Variants in FUS observed in about 807,000 individuals in gnomAD.
FUS encodes the protein FUS RNA binding protein, also known as RNA-binding protein FUS.
Under a neutral mutation model 82.7 loss-of-function variants are expected in FUS, and 5 were observed. The ratio of observed to expected loss-of-function variants is 0.06; its 90% CI spans 0.03 to 0.13. The LOEUF (loss-of-function observed/expected upper bound fraction) is 0.13. FUS is among the 10% of genes least tolerant of loss of function. The pLI, the probability that FUS is intolerant of heterozygous loss-of-function variation, is 1.00. For missense variants in FUS, 512 were observed against 707.8 expected, an observed-to-expected ratio of 0.72 and a Z score of 3.14; for synonymous variants, 281 against 247.4, an observed-to-expected ratio of 1.14 and a Z score of -1.27.
chr16:31,181,196 T>C (rs1020044040), intron 1 of FUS, among the ~76,000 whole-genome samples: 4 of 152,314 alleles, frequency 2.6e-5, no homozygotes, highest in Non-Finnish European at 4.4e-5. Flanking sequence ...ATTACAGACG[T>C]AAGCCAACCA....
downstream of FUS, chr16:31,193,806 TTTTTTTTAATTAC>T (rs2079390551): frequency 1.9e-6 from 1 of 513,348 alleles, no homozygotes. Context: ...CTGGGTAATT[TTTTTTTTAATTAC>T]TTTTTTTTTT....
intron 8 of FUS, 81 bp from the exon 9 acceptor site, chr16:31,189,042 T>C: frequency 9.7e-7 from 1 of 1,026,856 alleles, no homozygotes; most frequent in Non-Finnish European, 1.5e-6. Flanking sequence ...AGTTGCTTGA[T>C]GGATACTAGG....
rs768621541 is a variant in FUS, at chr16:31,185,186, GTC to G, written c.764+10_764+11del. The G allele has an allele frequency of 3.1e-6, 5 of 1,605,114 alleles. No individual in the cohort carries two copies. Among genetic ancestry groups the G allele is most frequent in the Non-Finnish European group, 4.3e-6 (5 of 1,175,286 alleles). On this transcript the variant is annotated splice_region_variant and intron_variant, in intron 6 of 14. Coordinates refer to ENST00000254108, the MANE Select transcript of FUS (RefSeq NM_004960.4). ...GAGGCAGAGGTGGCATGGGGTAGGTGTCTCATGAGCCAGGGAGTATCTTTGGT... is the reference window on the plus strand; with the variant it reads ...GAGGCAGAGGTGGCATGGGGTAGGTGTCATGAGCCAGGGAGTATCTTTGGT...
downstream of FUS, chr16:31,192,244 CT>C (rs35061472): frequency 1.9e-6 from 1 of 526,200 alleles, no homozygotes; most frequent in Non-Finnish European, 3.7e-6. Context: ...GGCTTGATCC[CT>C]TTTTGATTGG....
chr16:31,180,361 A>G lies in FUS; in HGVS notation c.13+134A>G. ...GCGCCCCTGTGGCGGGAAGCCGCGG[A>G]GAAGAGTAACTGGAGGAGGCTGGTG... On this transcript the variant is annotated intron_variant, in intron 1 of 14. Coordinates refer to ENST00000254108, the MANE Select transcript of FUS (RefSeq NM_004960.4). 7 of 1,180,926 alleles carry G rather than the reference A, an allele frequency of 5.9e-6. 1 individual carries two copies. The South Asian group carries it at 9.1e-5, about 15-fold the overall frequency. The allele number at this position is 1,180,926 out of a possible 1,614,324, so 73.2% of individuals were successfully genotyped here.
chr16:31,190,901 C>T (rs768779559), intron 13 of FUS, 59 bp downstream of exon 13: 30 of 1,612,006 alleles, frequency 1.9e-5, no homozygotes, highest in African/African-American at 5.3e-5. Flanking sequence ...AATTTTTCAG[C>T]GGGGAGGCTC....
chr16:31,187,533 A>G (rs761446550), intron 7 of FUS: 5 of 228,980 alleles, frequency 2.2e-5, no homozygotes, highest in Non-Finnish European at 3.5e-5. Flanking sequence ...AAAATGACAA[A>G]TTTGAGAAGT....
At chr16:31,193,888 C>G, downstream of FUS, 1 of 528,132 alleles carries the variant, frequency 1.9e-6, no homozygotes, top group South Asian at 1.5e-5. Context: ...CTCAAGTGAC[C>G]TGCCTGCCTC....
intron 1 of FUS, among the ~76,000 whole-genome samples, chr16:31,180,919 T>A (rs1266009530): frequency 9.2e-5 from 7 of 75,850 alleles, no homozygotes; most frequent in Admixed American, 4.6e-4. Context: ...AATTTCTTTC[T>A]TTTTTTTTTT....
At chr16:31,190,534 T>TA in intron 12 of FUS, 136 bp downstream of exon 12, 1 of 1,388,414 alleles carries the variant, frequency 7.2e-7, no homozygotes, top group East Asian at 2.3e-5. Flanking sequence ...GCCAAAAGCT[T>TA]ACCTAGGTAA....
downstream of FUS, chr16:31,192,445 G>A: frequency 1.9e-6 from 1 of 522,010 alleles, no homozygotes; most frequent in South Asian, 1.5e-5. Context: ...TAACCCAAGA[G>A]CAGAAAGGTT....
intron 7 of FUS, 33 bp from the exon 8 acceptor site, chr16:31,188,292 T>G: frequency 6.2e-7 from 1 of 1,609,100 alleles, no homozygotes; most frequent in South Asian, 1.1e-5. Context: ...TGTTTTTGTT[T>G]TTTTTTTGTT....
Position 31,190,101 on chromosome 16 carries a change from T to C in FUS, c.1128T>C (p.Asn376=). The part of the protein sequence containing the change: ...VSFATRRADF[N]RGGGNGRGGR... ...TTGCTACTCGCCGGGCAGACTTTAA[T>C]CGGGGTGGTGGCAATGGTCGTGGAG... The change falls in exon 11 of 15, where the codon AAT becomes AAC. Residue 376 remains asparagine, a synonymous_variant. Coordinates refer to ENST00000254108, the MANE Select transcript of FUS (RefSeq NM_004960.4). 6.2e-7 allele frequency: 1 copy of C among 1,614,096 alleles called. No individual in the cohort carries two copies. The highest frequency in any genetic ancestry group is 8.5e-7 in the Non-Finnish European group (1 of 1,180,002).
intron 1 of FUS, among the ~76,000 whole-genome samples, chr16:31,181,555 A>G (rs952029333): frequency 1.3e-5 from 2 of 152,142 alleles, no homozygotes; most frequent in African/African-American, 4.8e-5. Context: ...GCTTTGCACT[A>G]AAAAGCCCAC....
At chr16:31,188,262 C>CT in intron 7 of FUS, 63 bp from the exon 8 acceptor site, 1 of 1,561,178 alleles carries the variant, frequency 6.4e-7, no homozygotes, top group East Asian at 2.2e-5. Context: ...TTCCTGTTGA[C>CT]TAACGGCTCA....
In FUS at chr16:31,187,126, CCAT is replaced by C. The variant is rs1197503826; in HGVS notation, c.799+297_799+299del. The C allele has an allele frequency of 4.5e-5, 23 of 515,980 alleles. 1 individual carries two copies. Among genetic ancestry groups the C allele is most frequent in the Non-Finnish European group, 8.1e-5 (23 of 284,252 alleles). The allele number at this position is 515,980 out of a possible 1,614,324, so 32.0% of individuals were successfully genotyped here. On this transcript the variant is annotated intron_variant, in intron 7 of 14. Coordinates refer to ENST00000254108, the MANE Select transcript of FUS (RefSeq NM_004960.4). ...CGTTGCCACACCTGGCACTTAGTGA[CCAT>C]CATCATGAGAAACTGGAGAGTGCGT...
intron 9 of FUS, 46 bp downstream of exon 9, chr16:31,189,272 T>C (rs760703967): frequency 7.3e-7 from 1 of 1,361,028 alleles, no homozygotes; most frequent in Non-Finnish European, 1.1e-6. Context: ...GTTGTAGGCT[T>C]GTGGATTTCA....
At chr16:31,189,920 T>C (rs2079327637) in intron 10 of FUS, 120 bp from the exon 11 acceptor site, 2 of 1,580,182 alleles carry the variant, frequency 1.3e-6, no homozygotes, top group Admixed American at 1.7e-5. Context: ...TTTCAGGTAG[T>C]CTCATTTTTG....
downstream of FUS, chr16:31,194,172 CT>C (rs1308313106): frequency 7.5e-6 from 4 of 530,376 alleles, no homozygotes; most frequent in Non-Finnish European, 1.5e-5. Context: ...GGATGTAGGG[CT>C]GCAGTTATGT....
Sources: allele counts gnomAD v4.1 joint callset (sites outside exome capture counted in the v4.1 genomes callset), GRCh38; gene constraint gnomAD v4.1.1; transcripts MANE v1.5; gene names NCBI Gene and HGNC (gene_info 2026-07-23, HGNC 2026-07-21).